ASRGL1: variants seen among roughly 807,000 people sequenced by gnomAD.
ASRGL1 encodes the protein asparaginase and isoaspartyl peptidase 1, also known as isoaspartyl peptidase/L-asparaginase.
A neutral mutation model predicts 22.4 loss-of-function variants in ASRGL1; 16 were observed. The observed-to-expected ratio is 0.71, with a 90% CI of 0.48 to 1.08. The LOEUF is 1.08. Ranked by LOEUF, ASRGL1 falls within the 50% of genes least tolerant of loss-of-function variation. ASRGL1 has a pLI of 0.00. For missense variants in ASRGL1, 412 were observed against 410.1 expected (o/e 1.00, Z -0.04); for synonymous variants, 165 against 159.3 (o/e 1.04, Z -0.27).
intron 4 of ASRGL1, among the ~76,000 whole-genome samples, chr11:62,376,826 C>T (rs1399714640): frequency 1.3e-5 from 2 of 151,700 alleles, no homozygotes; most frequent in African/African-American, 2.4e-5. Flanking sequence ...TTGATTTTTT[C>T]TGGAACTCCC....
At chr11:62,339,463 T>C (rs1945812853) in intron 2 of ASRGL1, among the ~76,000 whole-genome samples, 1 of 152,220 alleles carries the variant, frequency 6.6e-6, no homozygotes, top group Non-Finnish European at 1.5e-5. Context: ...TGTGTTTCGC[T>C]TCTTTCACTC....
At chr11:62,363,036 C>T (rs1946521529) in intron 4 of ASRGL1, among the ~76,000 whole-genome samples, 1 of 146,964 alleles carries the variant, frequency 6.8e-6, no homozygotes, top group Non-Finnish European at 1.5e-5. Context: ...CTCCTGCATG[C>T]CATTCTCCTG....
At chr11:62,372,686 C>A in intron 4 of ASRGL1, 2 of 1,215,736 alleles carry the variant, frequency 1.6e-6, no homozygotes, top group Non-Finnish European at 2.4e-6. Flanking sequence ...GTGGCTATGG[C>A]TGGCTGGGCT....
intron 2 of ASRGL1, among the ~76,000 whole-genome samples, chr11:62,346,930 A>C (rs1285313688): frequency 6.6e-6 from 1 of 151,128 alleles, no homozygotes; most frequent in African/African-American, 2.4e-5. Context: ...AGATGGCACC[A>C]CTGCACTCCA....
chr11:62,338,868 C>T (rs1446781692), intron 2 of ASRGL1, among the ~76,000 whole-genome samples: 2 of 137,488 alleles, frequency 1.5e-5, no homozygotes, highest in African/African-American at 5.4e-5. Context: ...TAGCTTGAAC[C>T]TGAGAGGCAG....
intron 2 of ASRGL1, among the ~76,000 whole-genome samples, chr11:62,341,030 T>C (rs952518419): frequency 2.0e-5 from 3 of 152,194 alleles, no homozygotes; most frequent in African/African-American, 2.4e-5. Flanking sequence ...CTGTAAAGAC[T>C]GAACTTTTAA....
At chr11:62,386,040 T>C (rs1947192828) in intron 4 of ASRGL1, among the ~76,000 whole-genome samples, 1 of 151,966 alleles carries the variant, frequency 6.6e-6, no homozygotes, top group Non-Finnish European at 1.5e-5. Context: ...CACACGCCTG[T>C]AGTCCCAGGT....
chr11:62,348,114 A>G (rs1946075178), intron 2 of ASRGL1, among the ~76,000 whole-genome samples: 1 of 152,194 alleles, frequency 6.6e-6, no homozygotes, highest in East Asian at 1.9e-4. Context: ...ATACAGGAGG[A>G]TGTGCATCGA....
intron 2 of ASRGL1, among the ~76,000 whole-genome samples, chr11:62,339,073 G>A (rs1945803761): frequency 6.6e-6 from 1 of 152,116 alleles, no homozygotes; most frequent in Non-Finnish European, 1.5e-5. Context: ...TTTCTTATCA[G>A]AGTTGATTCT....
chr11:62,349,048 A>G (rs1056386014), intron 2 of ASRGL1, among the ~76,000 whole-genome samples: 3 of 151,862 alleles, frequency 2.0e-5, no homozygotes, highest in Non-Finnish European at 2.9e-5. Flanking sequence ...GGCTCACTGC[A>G]ACCTCCACCT....
chr11:62,356,307 ACTT>A lies in ASRGL1; in HGVS notation c.191-14_191-12del, dbSNP rs558946011. 4,464 of 1,611,654 alleles carry A rather than the reference ACTT, an allele frequency of 2.8e-3. 14 individuals carry two copies. The highest frequency in any genetic ancestry group is 8.4e-3 in the Middle Eastern group (51 of 6,042). Reference sequence around the variant, plus strand: ...GTAAATTCTTAATTCTTGCTTTTCAACTTCTTTTTGGTTTTAGGTTGTGGGTCT... The same window carrying A: ...GTAAATTCTTAATTCTTGCTTTTCAACTTTTTGGTTTTAGGTTGTGGGTCT... On this transcript the variant is annotated splice_polypyrimidine_tract_variant and intron_variant, in intron 2 of 6. Coordinates refer to ENST00000415229, the MANE Select transcript of ASRGL1 (RefSeq NM_001083926.2).
At chr11:62,368,544 G>A (rs1385694353) in intron 4 of ASRGL1, among the ~76,000 whole-genome samples, 1 of 152,102 alleles carries the variant, frequency 6.6e-6, no homozygotes, top group Non-Finnish European at 1.5e-5. Context: ...CAGGTGGGAC[G>A]AGAGACAGAG....
chr11:62,397,503 A>G (rs994722424), downstream of ASRGL1, among the ~76,000 whole-genome samples: 5 of 152,034 alleles, frequency 3.3e-5, no homozygotes, highest in Non-Finnish European at 5.9e-5. Flanking sequence ...CGTCTCTACT[A>G]AAAATACAAA....
the ASRGL1 span, among the ~76,000 whole-genome samples, chr11:62,399,512 T>C: frequency 6.6e-6 from 1 of 152,198 alleles, no homozygotes; most frequent in African/African-American, 2.4e-5. Flanking sequence ...GGCTTCATTT[T>C]ATTTGAGAGA....
intron 4 of ASRGL1, chr11:62,382,631 A>G (rs1214741835): frequency 6.6e-6 from 1 of 151,844 alleles, no homozygotes. Context: ...CTCTTTTACT[A>G]ATGCTCCTCA....
chr11:62,386,436 A>G (rs1031293383), intron 4 of ASRGL1, among the ~76,000 whole-genome samples: 8 of 68,760 alleles, frequency 1.2e-4, no homozygotes, highest in Non-Finnish European at 3.2e-4. Flanking sequence ...TATCAATTAA[A>G]CTTTATCATA....
intron 4 of ASRGL1, chr11:62,371,673 C>A: frequency 1.6e-6 from 1 of 614,330 alleles, no homozygotes; most frequent in Non-Finnish European, 3.2e-6. Context: ...CTAAACAAGG[C>A]CAGGAGTGGT....
intron 2 of ASRGL1, among the ~76,000 whole-genome samples, chr11:62,348,843 A>G (rs907452829): frequency 3.3e-5 from 5 of 152,276 alleles, no homozygotes; most frequent in African/African-American, 4.8e-5. Context: ...ATCTGAAAAG[A>G]TATCGCAAAA....
chr11:62,350,198 C>T (rs1946137072), intron 2 of ASRGL1, among the ~76,000 whole-genome samples: 1 of 152,122 alleles, frequency 6.6e-6, no homozygotes, highest in South Asian at 2.1e-4. Context: ...CAGTATGTGA[C>T]CTTCTGGAAA....
Sources: allele counts gnomAD v4.1 joint callset (sites outside exome capture counted in the v4.1 genomes callset), GRCh38; gene constraint gnomAD v4.1.1; transcripts MANE v1.5; gene names NCBI Gene and HGNC (gene_info 2026-07-23, HGNC 2026-07-21).